The following SREBF2 variants were observed in gnomAD, a reference collection of about 807,000 sequenced individuals.
SREBF2 encodes the protein sterol regulatory element-binding protein 2.
In SREBF2, 55 loss-of-function variants were observed where a neutral mutation model predicts 113.1. The ratio of observed to expected loss-of-function variants is 0.49; its 90% confidence interval spans 0.39 to 0.61. The LOEUF (loss-of-function observed/expected upper bound fraction) is 0.61, where lower values mean the gene tolerates loss of function less well. SREBF2 is among the 20% of genes least tolerant of loss of function. The pLI is 0.00. For missense variants in SREBF2, 1,349 were observed against 1,487.4 expected, an observed-to-expected ratio of 0.91 and a Z score of 1.53; for synonymous variants, 593 against 605.7, an observed-to-expected ratio of 0.98 and a Z score of 0.31.
At chr22:41,897,296 T>G in intron 14 of SREBF2, 135 bp downstream of exon 14, 1 of 602,606 alleles carries the variant, frequency 1.7e-6, no homozygotes, top group Non-Finnish European at 2.9e-6. Context: ...TACCTGTGGC[T>G]CCAGTTCACA....
At chr22:41,855,079 A>G (rs1164071109) in intron 1 of SREBF2, among the ~76,000 whole-genome samples, 1 of 152,066 alleles carries the variant, frequency 6.6e-6, no homozygotes, top group East Asian at 1.9e-4. Flanking sequence ...AGTTAAAAAC[A>G]TAGCCTTGAA....
chr22:41,885,105 A>C, intron 11 of SREBF2, 94 bp downstream of exon 11: 4 of 1,448,456 alleles, frequency 2.8e-6, no homozygotes, highest in Non-Finnish European at 3.8e-6. Context: ...CCCCTTCCCC[A>C]TCAGGTGCTG....
At chr22:41,858,942 G>C (rs2077000715) in intron 1 of SREBF2, among the ~76,000 whole-genome samples, 1 of 152,112 alleles carries the variant, frequency 6.6e-6, no homozygotes, top group South Asian at 2.1e-4. Flanking sequence ...AGGGGTTCGA[G>C]ACCAGCCTGA....
chr22:41,833,227 C>T lies in SREBF2; in HGVS notation c.-44C>T, dbSNP rs1440161300. ...TGGCGACGGCACCGCCCCCGCGTCT[C>T]CCTGAGCGGGACGGCAGGGGGGGCT... is the stretch of plus-strand genomic sequence containing the variant. On this transcript the variant is annotated 5_prime_UTR_variant, in exon 1 of 19. Transcript: ENST00000361204. This position sits in a 1 kb window ranked among gnomAD's most constrained non-coding sequence, Gnocchi z 4.1. The T allele has an allele frequency of 6.7e-7, 1 of 1,484,798 alleles. No individual in the cohort carries two copies. Among genetic ancestry groups the T allele is most frequent in the African/African-American group, 1.5e-5 (1 of 68,882 alleles). The allele number at this position is 1,484,798 out of a possible 1,614,324, so 92.0% of individuals were successfully genotyped here. A position where few individuals can be genotyped will look rare whatever the true frequency, so the allele number is the denominator to read the frequency against.
chr22:41,894,341 C>G (rs750919752), intron 12 of SREBF2, among the ~76,000 whole-genome samples: 1 of 152,182 alleles, frequency 6.6e-6, no homozygotes, highest in African/African-American at 2.4e-5. Flanking sequence ...CTAGCCAGTT[C>G]AGACAGGTCA....
chr22:41,861,955 C>G (rs570751081), intron 1 of SREBF2, among the ~76,000 whole-genome samples: 1 of 151,690 alleles, frequency 6.6e-6, no homozygotes, highest in South Asian at 2.1e-4. Flanking sequence ...TTGTCTAACA[C>G]AAGGTGCATA....
chr22:41,900,715 CCTTT>C (rs879191109), intron 16 of SREBF2, among the ~76,000 whole-genome samples: 1 of 152,226 alleles, frequency 6.6e-6, no homozygotes, highest in African/African-American at 2.4e-5. Context: ...TCTACCTGCA[CCTTT>C]CTTAGGCTCC....
chr22:41,880,485 G>A (rs1437541671), intron 9 of SREBF2, among the ~76,000 whole-genome samples: 1 of 151,814 alleles, frequency 6.6e-6, no homozygotes, highest in Admixed American at 6.6e-5. Flanking sequence ...AATCTCAATC[G>A]AGTAAAAAGT....
chr22:41,880,045 G>T (rs2148395425), intron 9 of SREBF2, among the ~76,000 whole-genome samples: 1 of 151,114 alleles, frequency 6.6e-6, no homozygotes, highest in East Asian at 1.9e-4. Flanking sequence ...AAAATGAAAA[G>T]AAACGCTTTA....
intron 1 of SREBF2, among the ~76,000 whole-genome samples, chr22:41,864,323 A>ATAT (rs1445932321): frequency 0.016 from 1,216 of 77,904 alleles, 85 homozygotes; most frequent in African/African-American, 0.062. Flanking sequence ...ATATATATAT[A>ATAT]TTTTTTTTTT....
chr22:41,838,745 GAGAA>G (rs1454632239), intron 1 of SREBF2, among the ~76,000 whole-genome samples: 1 of 152,058 alleles, frequency 6.6e-6, no homozygotes, highest in African/African-American at 2.4e-5. Context: ...AAAAATAAAA[GAGAA>G]AGAAAAGAAA....
Position 41,905,989 on chromosome 22 carries a change from TCTC to T in SREBF2, c.*332_*334del, listed in dbSNP as rs986007181. On this transcript the variant is annotated 3_prime_UTR_variant, in exon 19 of 19. Coordinates refer to ENST00000361204, the MANE Select transcript of SREBF2 (RefSeq NM_004599.4). ...AGTTTCTCTCTCCTGAACCCTACTC[TCTC>T]CTTTTTGCTTCCTCAGTTTTTATCA... 3.6e-6 allele frequency: 2 copies of T among 556,774 alleles called. No homozygotes were observed. Among genetic ancestry groups the T allele is most frequent in the African/African-American group, 3.7e-5 (2 of 53,854 alleles). 34.5% of individuals were successfully genotyped at this position (556,774 alleles called of 1,614,324 possible). A position where few individuals can be genotyped will look rare whatever the true frequency, so the allele number is the denominator to read the frequency against.
chr22:41,848,168 G>A (rs2076895325), intron 1 of SREBF2, among the ~76,000 whole-genome samples: 1 of 151,964 alleles, frequency 6.6e-6, no homozygotes, highest in Non-Finnish European at 1.5e-5. Flanking sequence ...AGTTACATAT[G>A]TATACATGTG....
chr22:41,900,178 C>G (rs1405727032), intron 15 of SREBF2, 152 bp from the exon 16 acceptor site: 3 of 1,516,316 alleles, frequency 2.0e-6, no homozygotes, highest in Non-Finnish European at 2.6e-6. Context: ...AGATCTGGAG[C>G]TGGTGGCATG....
intron 11 of SREBF2, among the ~76,000 whole-genome samples, chr22:41,892,466 G>A (rs945618275): frequency 6.6e-5 from 10 of 151,848 alleles, no homozygotes; most frequent in Non-Finnish European, 1.5e-4. Context: ...TGGCTAACAC[G>A]GTGAAACCCC....
At chr22:41,841,126 G>A (rs1339775581) in intron 1 of SREBF2, among the ~76,000 whole-genome samples, 1 of 152,228 alleles carries the variant, frequency 6.6e-6, no homozygotes, top group Non-Finnish European at 1.5e-5. Flanking sequence ...TGAGCTAGGA[G>A]TGAGTGTTGG....
chr22:41,847,920 AT>A (rs58300625), intron 1 of SREBF2, among the ~76,000 whole-genome samples: 8 of 137,482 alleles, frequency 5.8e-5, no homozygotes, highest in East Asian at 4.3e-4. Context: ...TATTATTATT[AT>A]TTTTTTTTTT....
chr22:41,877,468 G>A, intron 8 of SREBF2, 47 bp downstream of exon 8: 2 of 1,595,926 alleles, frequency 1.3e-6, no homozygotes, highest in Non-Finnish European at 1.7e-6. Context: ...GGACCACTAT[G>A]GCAGGAGAAG....
At position 41,893,171 on chromosome 22, in the gene SREBF2, C is replaced by T. The variant is rs1363930106; in HGVS notation, c.2263C>T (p.Pro755Ser). Residue 755 changes from proline to serine, a missense_variant, in exon 12 of 19, where the codon CCT (proline) becomes TCT (serine). Coordinates refer to ENST00000361204, the MANE Select transcript of SREBF2 (RefSeq NM_004599.4). ...GTGTGGCCCCGAGCACAGTGCTGTT[C>T]CTGACTCCCTGCGCTGGCTCTGCCA... ...SLCGPEHSAVPDSLRWLCHPL... is the reference protein window; with the variant it reads ...SLCGPEHSAVSDSLRWLCHPL... The T allele has an allele frequency of 6.2e-7, 1 of 1,614,144 alleles. No homozygotes were observed. The highest frequency in any genetic ancestry group is 8.5e-7 in the Non-Finnish European group (1 of 1,180,036).
Sources: gnomAD v4.1 joint callset for allele counts (sites outside exome capture counted in the v4.1 genomes callset) on GRCh38, gnomAD v4.1.1 for gene constraint, Gnocchi (gnomAD v3.1) non-coding constraint, MANE v1.5 for transcripts, NCBI Gene and HGNC (gene_info 2026-07-23, HGNC 2026-07-21) for gene names.